HEATR5B: variants seen among roughly 807,000 people sequenced by gnomAD.
HEATR5B encodes the protein HEAT repeat-containing protein 5B.
A neutral mutation model predicts 224.1 loss-of-function variants in HEATR5B; 156 were observed. The ratio of observed to expected loss-of-function variants is 0.70; its 90% confidence interval spans 0.61 to 0.80. HEATR5B has a LOEUF of 0.80. HEATR5B is among the 30% of genes least tolerant of loss of function. HEATR5B has a pLI of 0.00. For synonymous variants in HEATR5B, 1,027 were observed against 893.0 expected (o/e 1.15, Z -2.68); for missense variants, 2,323 against 2,535.5 (o/e 0.92, Z 1.80).
At chr2:37,053,834 A>T (rs371441522) in intron 16 of HEATR5B, among the ~76,000 whole-genome samples, 1 of 151,952 alleles carries the variant, frequency 6.6e-6, no homozygotes, top group African/African-American at 2.4e-5. Context: ...TTAACAAAAT[A>T]AGGTCACAAT....
intron 21 of HEATR5B, among the ~76,000 whole-genome samples, chr2:37,034,295 C>T (rs192190134): frequency 1.1e-3 from 170 of 149,326 alleles, no homozygotes; most frequent in African/African-American, 3.9e-3. Flanking sequence ...CGTGAGCCAC[C>T]GCACCTGGCT....
At chr2:36,985,458 G>GT (rs376871419) in intron 35 of HEATR5B, among the ~76,000 whole-genome samples, 48,264 of 126,688 alleles carry the variant, frequency 0.38, 9,670 homozygotes, top group East Asian at 0.52. Flanking sequence ...CTTTTTTTTG[G>GT]TTTTTTTTTT....
intron 25 of HEATR5B, among the ~76,000 whole-genome samples, chr2:37,020,159 C>T (rs1479294525): frequency 6.6e-6 from 1 of 152,216 alleles, no homozygotes; most frequent in African/African-American, 2.4e-5. Flanking sequence ...CCCACCTCGG[C>T]CTCCCAAAGT....
At position 37,060,628 on chromosome 2, in the gene HEATR5B, G is replaced by A; in HGVS notation, c.1802C>T (p.Ser601Phe). Residue 601 changes from serine to phenylalanine, a missense_variant, in exon 12 of 36, where the codon TCT becomes TTT. Ser to Phe is a radical substitution (Grantham distance 155). Coordinates refer to ENST00000233099, the MANE Select transcript of HEATR5B (RefSeq NM_019024.3). ...TTCCAAAGTTACCTGCCAGGTAAAA[G>A]AATCGCCTCGGGCCTTCTCAGCTTC... ...ELEAEKARGD[S>F]FTWQVTLEGR... 6.2e-7 allele frequency: 1 copy of A among 1,613,894 alleles called. No homozygotes were observed. The highest frequency in any genetic ancestry group is 8.5e-7 in the Non-Finnish European group (1 of 1,179,882).
At chr2:36,998,044 A>G (rs987779417) in intron 33 of HEATR5B, among the ~76,000 whole-genome samples, 8 of 152,224 alleles carry the variant, frequency 5.3e-5, no homozygotes, top group African/African-American at 1.9e-4. Context: ...ATTTTATCAT[A>G]TATTACATTC....
intron 34 of HEATR5B, among the ~76,000 whole-genome samples, chr2:36,989,168 C>G (rs78367324): frequency 6.6e-6 from 1 of 152,194 alleles, no homozygotes; most frequent in African/African-American, 2.4e-5. Flanking sequence ...TCACTGCAAT[C>G]TCTGCCTCCC....
chr2:37,061,760 A>C (rs1271521174), intron 11 of HEATR5B, among the ~76,000 whole-genome samples, 179 bp downstream of exon 11: 1 of 152,240 alleles, frequency 6.6e-6, no homozygotes, highest in Non-Finnish European at 1.5e-5. Flanking sequence ...AAATGTACTT[A>C]AGCAATAATT....
intron 25 of HEATR5B, among the ~76,000 whole-genome samples, chr2:37,020,233 A>T (rs1433135859): frequency 1.3e-5 from 2 of 152,164 alleles, no homozygotes; most frequent in African/African-American, 4.8e-5. Flanking sequence ...GTTGTTATTA[A>T]GAGTTAATTT....
At position 37,054,190 on chromosome 2, in the gene HEATR5B, C is replaced by CTTTTTTTTTTTTTTTTTTTTT. The variant is rs1242821499; in HGVS notation, c.2400-584_2400-583insAAAAAAAAAAAAAAAAAAAAA. Among the ~76,000 whole-genome samples the CTTTTTTTTTTTTTTTTTTTTT allele has an allele frequency of 9.6e-5, 9 of 93,742 alleles. 4 individuals carry two copies. Among genetic ancestry groups the CTTTTTTTTTTTTTTTTTTTTT allele is most frequent in the African/African-American group, 1.8e-4 (4 of 21,696 alleles). 61.5% of individuals were successfully genotyped at this position (93,742 alleles called of 152,430 possible). A position where few individuals can be genotyped will look rare whatever the true frequency, so the allele number is the denominator to read the frequency against. On this transcript the variant is annotated intron_variant, in intron 16 of 35. Coordinates refer to ENST00000233099, the MANE Select transcript of HEATR5B (RefSeq NM_019024.3). ...TCCATGGCCATCTTAGATGATTTCTCTGTTTTTTTTTTTTTTTTTTTGAGA... is the reference window on the plus strand; with the variant it reads ...TCCATGGCCATCTTAGATGATTTCTCTTTTTTTTTTTTTTTTTTTTTTGTTTTTTTTTTTTTTTTTTTGAGA...
intron 30 of HEATR5B, among the ~76,000 whole-genome samples, chr2:37,003,988 T>A (rs1478140016): frequency 6.6e-6 from 1 of 152,216 alleles, no homozygotes; most frequent in African/African-American, 2.4e-5. Flanking sequence ...TAGAGTCCAG[T>A]GCTGCTAAAA....
Position 37,058,880 on chromosome 2 carries a change from T to C in HEATR5B, c.1949+8A>G, listed in dbSNP as rs1040397759. On this transcript the variant is annotated splice_region_variant and intron_variant, in intron 13 of 35. Coordinates refer to ENST00000233099, the MANE Select transcript of HEATR5B (RefSeq NM_019024.3). ...TAGGATGTGAACTTGTCTCAATCGC[T>C]TACTTACTGTGACATCATAGTCATG... is the stretch of plus-strand genomic sequence containing the variant. 8 of 1,545,112 alleles carry C rather than the reference T, an allele frequency of 5.2e-6. No individual in the cohort carries two copies. The African/African-American group carries it at 1.1e-4, about 21-fold the overall frequency.
chr2:36,991,476 C>T (rs1042463772), intron 33 of HEATR5B, among the ~76,000 whole-genome samples: 27 of 96,636 alleles, frequency 2.8e-4, no homozygotes, highest in African/African-American at 9.3e-4. Context: ...GCCTGGGCAA[C>T]AAAAGCGAAA....
At chr2:37,056,328 T>A in intron 16 of HEATR5B, 112 bp downstream of exon 16, 1 of 697,530 alleles carries the variant, frequency 1.4e-6, no homozygotes, top group Non-Finnish European at 2.3e-6. Context: ...AGTACTGTTT[T>A]AAGTATTATA....
chr2:37,048,215 C>T (rs1433922399), intron 18 of HEATR5B, among the ~76,000 whole-genome samples: 4 of 148,332 alleles, frequency 2.7e-5, no homozygotes, highest in African/African-American at 5.0e-5. Flanking sequence ...GACAGAGTTT[C>T]GCTCTGTCAC....
chr2:37,027,849 A>T, intron 24 of HEATR5B, 74 bp downstream of exon 24: 1 of 1,468,760 alleles, frequency 6.8e-7, no homozygotes, highest in Non-Finnish European at 9.4e-7. Flanking sequence ...CTGTCGCAGT[A>T]AAATATCTCA....
At chr2:36,986,640 T>TG (rs1264705068) in intron 35 of HEATR5B, among the ~76,000 whole-genome samples, 2 of 152,114 alleles carry the variant, frequency 1.3e-5, no homozygotes, top group Admixed American at 1.3e-4. Flanking sequence ...TTTTTTGAGA[T>TG]GGAGTCTCGC....
chr2:37,036,217 G>A (rs908814599), intron 21 of HEATR5B, among the ~76,000 whole-genome samples: 4 of 152,110 alleles, frequency 2.6e-5, no homozygotes, highest in Non-Finnish European at 5.9e-5. Context: ...CCTTCTAATG[G>A]TTTCCCACTG....
Position 37,037,145 on chromosome 2 carries a change from G to GATATATATAT in HEATR5B, c.3216+700_3216+709dup, listed in dbSNP as rs1553431138. On this transcript the variant is annotated intron_variant, in intron 21 of 35. Transcript: ENST00000233099. The stretch of plus-strand genomic sequence containing the variant: ...TTCCGAGTAGGAAAACTAAAAATGT[G>GATATATATAT]ATATATATATATATTTTGGAGATGG... Among the ~76,000 whole-genome samples, 42 of 89,176 alleles carry GATATATATAT rather than the reference G, an allele frequency of 4.7e-4. 7 individuals are homozygous for GATATATATAT. Among genetic ancestry groups the GATATATATAT allele is most frequent in the East Asian group, 1.0e-3 (2 of 1,944 alleles). 58.5% of individuals were successfully genotyped at this position (89,176 alleles called of 152,430 possible).
intron 18 of HEATR5B, among the ~76,000 whole-genome samples, chr2:37,046,469 T>C (rs778237412): frequency 1.2e-4 from 18 of 151,776 alleles, no homozygotes; most frequent in Non-Finnish European, 2.6e-4. Flanking sequence ...CGAAACTCCA[T>C]CTCTACTAAA....
Sources: allele counts gnomAD v4.1 joint callset (sites outside exome capture counted in the v4.1 genomes callset), GRCh38; gene constraint gnomAD v4.1.1; transcripts MANE v1.5; gene names NCBI Gene and HGNC (gene_info 2026-07-23, HGNC 2026-07-21).